Variants in BMPER observed in about 807,000 individuals in gnomAD.
BMPER encodes the protein BMP-binding endothelial regulator protein.
In BMPER, 45 loss-of-function variants were observed where a neutral mutation model predicts 87.3. The ratio of observed to expected loss-of-function variants is 0.52; its 90% CI spans 0.41 to 0.66. The LOEUF (loss-of-function observed/expected upper bound fraction) is 0.66, where lower values mean the gene tolerates loss of function less well. Among genes scored for constraint, BMPER ranks in the 30% least tolerant of loss-of-function variants. The pLI is 0.00. For synonymous variants in BMPER, 326 were observed against 316.2 expected (o/e 1.03, Z -0.33); for missense variants, 784 against 867.5 (o/e 0.90, Z 1.21).
At chr7:33,979,111 G>A (rs1292384601) in intron 6 of BMPER, among the ~76,000 whole-genome samples, 1 of 152,066 alleles carries the variant, frequency 6.6e-6, no homozygotes, top group East Asian at 1.9e-4. Context: ...ATATATGCAC[G>A]TAAACATCTA....
chr7:33,915,117 T>A (rs1784060002), intron 2 of BMPER, among the ~76,000 whole-genome samples: 1 of 152,222 alleles, frequency 6.6e-6, no homozygotes, highest in African/African-American at 2.4e-5. Context: ...AAACTTTGAC[T>A]TTAAAAGATC....
chr7:33,926,222 CAGAT>C (rs1454203052), intron 2 of BMPER, among the ~76,000 whole-genome samples: 1 of 152,154 alleles, frequency 6.6e-6, no homozygotes, highest in African/African-American at 2.4e-5. Flanking sequence ...TATTTTTGGT[CAGAT>C]AGATCTGAAA....
At chr7:34,035,565 G>A (rs1424713106) in intron 6 of BMPER, among the ~76,000 whole-genome samples, 4 of 152,270 alleles carry the variant, frequency 2.6e-5, no homozygotes, top group Middle Eastern at 3.4e-3. Context: ...TCTTAATTAA[G>A]AGTCATTCAT....
chr7:34,101,947 T>A (rs1441808412), intron 13 of BMPER, among the ~76,000 whole-genome samples: 1 of 152,208 alleles, frequency 6.6e-6, no homozygotes, highest in Non-Finnish European at 1.5e-5. Flanking sequence ...AATAGGTACT[T>A]TTACTCACCT....
chr7:34,074,521 G>A (rs370503218), intron 11 of BMPER, among the ~76,000 whole-genome samples: 1 of 152,306 alleles, frequency 6.6e-6, no homozygotes, highest in African/African-American at 2.4e-5. Flanking sequence ...TCATCACGAC[G>A]CTTACCTTTC....
At chr7:33,928,876 A>G (rs1214075921) in intron 2 of BMPER, among the ~76,000 whole-genome samples, 2 of 152,124 alleles carry the variant, frequency 1.3e-5, no homozygotes, top group Non-Finnish European at 2.9e-5. Context: ...ATATCATCAG[A>G]ACATCGTCTT....
chr7:34,119,014 T>TCTCTCTCACACACACACA (rs66493349), intron 13 of BMPER, among the ~76,000 whole-genome samples: 2 of 135,712 alleles, frequency 1.5e-5, no homozygotes, highest in Admixed American at 7.8e-5. Flanking sequence ...TCTCTCTCTC[T>TCTCTCTCACACACACACA]CACACACACA....
chr7:33,919,574 A>T (rs773732861), intron 2 of BMPER, among the ~76,000 whole-genome samples: 7 of 152,228 alleles, frequency 4.6e-5, no homozygotes, highest in African/African-American at 7.2e-5. Flanking sequence ...GGTGGGGAGC[A>T]CATGGTAGGA....
At chr7:34,142,092 G>A (rs557317192) in intron 13 of BMPER, among the ~76,000 whole-genome samples, 8 of 152,120 alleles carry the variant, frequency 5.3e-5, no homozygotes, top group Non-Finnish European at 1.2e-4. Context: ...GCTTCTGTGA[G>A]GAAGGGAGTT....
At chr7:34,031,057 G>A (rs1045030320) in intron 6 of BMPER, among the ~76,000 whole-genome samples, 2 of 152,064 alleles carry the variant, frequency 1.3e-5, no homozygotes, top group African/African-American at 4.8e-5. Flanking sequence ...GCCAGGCTGG[G>A]AATACGACAA....
At chr7:34,063,935 C>T (rs1396167061) in intron 11 of BMPER, among the ~76,000 whole-genome samples, 1 of 152,262 alleles carries the variant, frequency 6.6e-6, no homozygotes, top group Non-Finnish European at 1.5e-5. Flanking sequence ...AGCACAGACT[C>T]ATTACCTCTG....
intron 2 of BMPER, among the ~76,000 whole-genome samples, chr7:33,926,028 C>A (rs1017863102): frequency 6.6e-6 from 1 of 152,284 alleles, no homozygotes; most frequent in African/African-American, 2.4e-5. Context: ...GCACTTCTTG[C>A]CCCTCATGTT....
intron 13 of BMPER, among the ~76,000 whole-genome samples, chr7:34,130,082 T>G (rs1188477202): frequency 6.6e-6 from 1 of 152,180 alleles, no homozygotes; most frequent in Non-Finnish European, 1.5e-5. Context: ...TTCCTGATAT[T>G]ATGTCACCAG....
intron 13 of BMPER, among the ~76,000 whole-genome samples, chr7:34,131,204 C>T (rs1467660710): frequency 1.3e-5 from 2 of 151,966 alleles, no homozygotes; most frequent in African/African-American, 4.8e-5. Flanking sequence ...AGGATGGTGG[C>T]GTGCCAGCCC....
chr7:33,937,021 C>G (rs57306272), intron 2 of BMPER, among the ~76,000 whole-genome samples: 9 of 152,154 alleles, frequency 5.9e-5, no homozygotes, highest in Admixed American at 2.0e-4. Context: ...GAGAACTTCT[C>G]CCTTGGCAAT....
At chr7:34,123,601 G>A (rs540004453) in intron 13 of BMPER, among the ~76,000 whole-genome samples, 25 of 152,280 alleles carry the variant, frequency 1.6e-4, no homozygotes, top group South Asian at 6.2e-4. Flanking sequence ...CTTCTTTCAC[G>A]TCTGAACTCC....
At chr7:34,005,451 T>A (rs1333478979) in intron 6 of BMPER, among the ~76,000 whole-genome samples, 2 of 151,928 alleles carry the variant, frequency 1.3e-5, no homozygotes, top group African/African-American at 2.4e-5. Context: ...ACATTTTTTT[T>A]AATTTTTATT....
chr7:33,951,342 C>G (rs576160131), intron 3 of BMPER, among the ~76,000 whole-genome samples: 10 of 152,232 alleles, frequency 6.6e-5, no homozygotes, highest in African/African-American at 2.2e-4. Flanking sequence ...GCCACTGCAC[C>G]TGGACGGGAG....
At chr7:34,085,035 G>A (rs892420362) in intron 12 of BMPER, among the ~76,000 whole-genome samples, 13 of 152,276 alleles carry the variant, frequency 8.5e-5, no homozygotes, top group Non-Finnish European at 1.2e-4. Context: ...CTCCACCACC[G>A]CCTGAAATGT....
Sources: gnomAD v4.1 joint callset for allele counts (sites outside exome capture counted in the v4.1 genomes callset) on GRCh38, gnomAD v4.1.1 for gene constraint, MANE v1.5 for transcripts, NCBI Gene and HGNC (gene_info 2026-07-23, HGNC 2026-07-21) for gene names.